The following MALRD1 variants were observed in gnomAD, a reference collection of about 807,000 sequenced individuals.
MALRD1 encodes MAM and LDL-receptor class A domain-containing protein 1.
A neutral mutation model predicts 242.1 loss-of-function variants in MALRD1; 247 were observed. The observed-to-expected ratio is 1.02, with a 90% CI of 0.92 to 1.13. The LOEUF (loss-of-function observed/expected upper bound fraction) is 1.13. Among genes scored for constraint, MALRD1 ranks in the 50% most tolerant of loss-of-function variants. The pLI, the probability that MALRD1 is intolerant of heterozygous loss-of-function variation, is 0.00. For synonymous variants in MALRD1, 995 were observed against 866.6 expected, an observed-to-expected ratio of 1.15 and a Z score of -2.60; for missense variants, 2,989 against 2,533.1, an observed-to-expected ratio of 1.18 and a Z score of -3.86.
At chr10:19,705,129 A>G (rs1258008819) in intron 38 of MALRD1, among the ~76,000 whole-genome samples, 1 of 152,218 alleles carries the variant, frequency 6.6e-6, no homozygotes, top group Non-Finnish European at 1.5e-5. Context: ...TCTCTCTATC[A>G]GACCCTTTCT....
chr10:19,285,342 A>T (rs1841053843), intron 21 of MALRD1, among the ~76,000 whole-genome samples: 1 of 140,920 alleles, frequency 7.1e-6, no homozygotes, highest in Non-Finnish European at 1.5e-5. Flanking sequence ...CTATATCCTG[A>T]ATGGTAATGC....
chr10:19,652,686 A>C (rs1840952159), intron 36 of MALRD1, among the ~76,000 whole-genome samples: 1 of 152,212 alleles, frequency 6.6e-6, no homozygotes, highest in Admixed American at 6.5e-5. Flanking sequence ...AAGAACTACC[A>C]GCTTACCAGG....
At chr10:19,394,136 T>G (rs1410655734) in intron 28 of MALRD1, among the ~76,000 whole-genome samples, 1 of 152,206 alleles carries the variant, frequency 6.6e-6, no homozygotes, top group African/African-American at 2.4e-5. Context: ...ATAATGTGTT[T>G]CAGGAGAGCC....
At chr10:19,178,831 C>A (rs1351855730) in intron 14 of MALRD1, among the ~76,000 whole-genome samples, 4 of 152,096 alleles carry the variant, frequency 2.6e-5, no homozygotes, top group Non-Finnish European at 4.4e-5. Context: ...AAACTAATTG[C>A]TGTGAGTGCA....
intron 28 of MALRD1, among the ~76,000 whole-genome samples, chr10:19,396,309 G>A (rs971444828): frequency 1.3e-5 from 2 of 151,668 alleles, no homozygotes; most frequent in African/African-American, 2.4e-5. Flanking sequence ...GCTAATTTTT[G>A]TATTTTTAGT....
At chr10:19,065,287 C>CAAAAAAAAAAAAAAAAAAAAAAAA (rs1197670439) in intron 1 of MALRD1, among the ~76,000 whole-genome samples, 1 of 50,622 alleles carries the variant, frequency 2.0e-5, no homozygotes, top group African/African-American at 8.9e-5. Context: ...AACGCTGTCT[C>CAAAAAAAAAAAAAAAAAAAAAAAA]AAAAAAAAAA....
At chr10:19,529,703 C>G (rs1254359027) in intron 31 of MALRD1, among the ~76,000 whole-genome samples, 1 of 151,840 alleles carries the variant, frequency 6.6e-6, no homozygotes, top group Non-Finnish European at 1.5e-5. Flanking sequence ...AAACACAAGA[C>G]CCAACTATAT....
chr10:19,368,488 T>C (rs1363935380), intron 26 of MALRD1, among the ~76,000 whole-genome samples: 1 of 152,118 alleles, frequency 6.6e-6, no homozygotes, highest in East Asian at 1.9e-4. Context: ...TTTCTGTTTT[T>C]ATGCCAATAC....
At chr10:19,653,935 G>C (rs1589363798) in intron 36 of MALRD1, among the ~76,000 whole-genome samples, 1 of 152,134 alleles carries the variant, frequency 6.6e-6, no homozygotes, top group East Asian at 1.9e-4. Flanking sequence ...GAGTCATCCA[G>C]ATGGGTGAAA....
chr10:19,381,594 A>G (rs1177857793), intron 26 of MALRD1, among the ~76,000 whole-genome samples: 1 of 151,762 alleles, frequency 6.6e-6, no homozygotes, highest in East Asian at 1.9e-4. Context: ...ACGGGAGGCC[A>G]AGGTGGGTGG....
chr10:19,237,604 AATTATAATTATATAATTATATAATTAT>A (rs1564490489), intron 18 of MALRD1, among the ~76,000 whole-genome samples: 3 of 72,196 alleles, frequency 4.2e-5, no homozygotes, highest in African/African-American at 1.7e-4. Flanking sequence ...ATATAATTAT[AATTATAATTATATAATTATATAATTAT>A]AATTATATAT....
chr10:19,516,126 G>A (rs916463697), intron 31 of MALRD1, among the ~76,000 whole-genome samples: 1 of 152,176 alleles, frequency 6.6e-6, no homozygotes, highest in East Asian at 1.9e-4. Flanking sequence ...TCTGAATTAT[G>A]TCTAATGTTG....
At chr10:19,676,976 T>G (rs767370414) in intron 36 of MALRD1, among the ~76,000 whole-genome samples, 2 of 152,212 alleles carry the variant, frequency 1.3e-5, no homozygotes, top group Non-Finnish European at 2.9e-5. Flanking sequence ...TCCATCCATG[T>G]CCCTGCCAAG....
At position 19,383,341 on chromosome 10, in the gene MALRD1, T is replaced by G. The variant is rs150712996; in HGVS notation, c.4442-4187T>G. On this transcript the variant is annotated intron_variant, in intron 26 of 39. Coordinates refer to ENST00000454679, the MANE Select transcript of MALRD1 (RefSeq NM_001142308.3). ...TCCTGTGTTATTTTACTTAGGATAA[T>G]GGCCTCCAGCTCCACCCATGTTTCT... Among the ~76,000 whole-genome samples, 551 of 152,234 alleles carry G rather than the reference T, an allele frequency of 3.6e-3. 2 individuals carry two copies. Among genetic ancestry groups the G allele is most frequent in the Non-Finnish European group, 5.4e-3 (367 of 67,998 alleles).
intron 4 of MALRD1, among the ~76,000 whole-genome samples, chr10:19,102,144 CTATG>C (rs1246652266): frequency 1.4e-5 from 2 of 141,814 alleles, no homozygotes; most frequent in African/African-American, 2.6e-5. Context: ...TATTATATAA[CTATG>C]TATATGATAT....
intron 35 of MALRD1, among the ~76,000 whole-genome samples, chr10:19,611,481 A>G (rs1838892628): frequency 6.6e-6 from 1 of 152,028 alleles, no homozygotes; most frequent in African/African-American, 2.4e-5. Context: ...TCAGAATGAT[A>G]TTTCTGTGTA....
intron 36 of MALRD1, among the ~76,000 whole-genome samples, chr10:19,677,468 C>T (rs988436688): frequency 1.3e-5 from 2 of 151,974 alleles, no homozygotes; most frequent in East Asian, 1.9e-4. Context: ...TATCTTCTTT[C>T]GAGAAGTGTT....
chr10:19,088,248 C>G lies in MALRD1; in HGVS notation c.597+63C>G, dbSNP rs1051856589. 3 of 1,202,954 alleles carry G rather than the reference C, an allele frequency of 2.5e-6. 1 individual carries two copies. Among genetic ancestry groups the G allele is most frequent in the East Asian group, 6.4e-5 (2 of 31,476 alleles). 74.5% of individuals were successfully genotyped at this position (1,202,954 alleles called of 1,614,324 possible). ...AAAATAAGATACAGATCTTTAACACCAGGTGAACTAAAAGTAAGGCAACTG... is the reference window on the plus strand; with the variant it reads ...AAAATAAGATACAGATCTTTAACACGAGGTGAACTAAAAGTAAGGCAACTG... On this transcript the variant is annotated intron_variant, in intron 4 of 39. Coordinates refer to ENST00000454679, the MANE Select transcript of MALRD1 (RefSeq NM_001142308.3).
intron 32 of MALRD1, 38 bp from the exon 33 acceptor site, chr10:19,567,464 T>A (rs1836306481): frequency 6.6e-7 from 1 of 1,509,080 alleles, no homozygotes; most frequent in Non-Finnish European, 9.0e-7. Flanking sequence ...ACTTCTAATA[T>A]CCAATCATAA....
Sources: allele counts gnomAD v4.1 joint callset (sites outside exome capture counted in the v4.1 genomes callset), GRCh38; gene constraint gnomAD v4.1.1; transcripts MANE v1.5; gene names NCBI Gene and HGNC (gene_info 2026-07-23, HGNC 2026-07-21).